Variants in ZHX2 observed in about 807,000 individuals in gnomAD.
ZHX2 encodes zinc fingers and homeoboxes protein 2.
A neutral mutation model predicts 21.9 loss-of-function variants in ZHX2; 6 were observed. That is an observed-to-expected ratio of 0.27 (90% CI 0.15 to 0.54). The LOEUF is 0.54. Ranked by LOEUF, ZHX2 falls within the 20% of genes least tolerant of loss-of-function variation. The pLI is 0.95. For synonymous variants in ZHX2, 434 were observed against 437.1 expected (o/e 0.99, Z 0.09); for missense variants, 908 against 1,090.7 (o/e 0.83, Z 2.36).
At chr8:122,852,069 G>A (rs1398450625) in intron 1 of ZHX2, among the ~76,000 whole-genome samples, 5 of 152,098 alleles carry the variant, frequency 3.3e-5, no homozygotes, top group Admixed American at 2.6e-4. Context: ...ACTTGAGGTG[G>A]TAAGAAAGGT....
chr8:122,918,018 A>G (rs148485528), intron 2 of ZHX2, among the ~76,000 whole-genome samples: 69 of 152,298 alleles, frequency 4.5e-4, no homozygotes, highest in African/African-American at 1.5e-3. Flanking sequence ...CATAGCCCTC[A>G]AGACTCTGCT....
chr8:122,820,203 C>A (rs1262455539), intron 1 of ZHX2, among the ~76,000 whole-genome samples: 2 of 152,248 alleles, frequency 1.3e-5, no homozygotes, highest in Non-Finnish European at 2.9e-5. Flanking sequence ...CCCAGGGTCC[C>A]TGACTCTTGT....
At chr8:122,882,706 G>A (rs1819741706) in intron 2 of ZHX2, among the ~76,000 whole-genome samples, 1 of 152,174 alleles carries the variant, frequency 6.6e-6, no homozygotes. Context: ...AAGAGGCTGG[G>A]CACAGTGGCT....
intron 2 of ZHX2, among the ~76,000 whole-genome samples, chr8:122,935,058 G>GT (rs1158649699): frequency 6.6e-6 from 1 of 151,812 alleles, no homozygotes; most frequent in African/African-American, 2.4e-5. Context: ...GTGCTATATA[G>GT]TTTTTTTTAT....
chr8:122,814,217 C>T (rs1817984852), intron 1 of ZHX2, among the ~76,000 whole-genome samples: 1 of 152,142 alleles, frequency 6.6e-6, no homozygotes, highest in African/African-American at 2.4e-5. Flanking sequence ...TACTTAGACT[C>T]AAAAAATATT....
intron 2 of ZHX2, among the ~76,000 whole-genome samples, chr8:122,875,395 G>C (rs1241115965): frequency 6.6e-6 from 1 of 151,948 alleles, no homozygotes. Flanking sequence ...GATATTTACT[G>C]TCTGGCCCTT....
At position 122,823,409 on chromosome 8, in the gene ZHX2, C is replaced by T. The variant is rs76146072; in HGVS notation, c.-282-40068C>T. Reference sequence around the variant, plus strand: ...ATCTTCATGAACCCTGCAGAATCAGCGTGAATCCAGGGCAGCTGGGGAGAG... The same window carrying T: ...ATCTTCATGAACCCTGCAGAATCAGTGTGAATCCAGGGCAGCTGGGGAGAG... On this transcript the variant is annotated intron_variant, in intron 1 of 3. Coordinates refer to ENST00000314393, the MANE Select transcript of ZHX2 (RefSeq NM_014943.5). 4.9e-4 allele frequency among the ~76,000 whole-genome samples: 74 copies of T among 152,318 alleles called. 1 individual carries two copies. Among genetic ancestry groups the T allele is most frequent in the African/African-American group, 1.7e-3 (69 of 41,572 alleles).
chr8:122,878,504 C>A (rs1819621540), intron 2 of ZHX2, among the ~76,000 whole-genome samples: 2 of 152,146 alleles, frequency 1.3e-5, no homozygotes, highest in African/African-American at 4.8e-5. Flanking sequence ...AAGCTTCGCA[C>A]ATCATTCATC....
At chr8:122,964,150 G>A (rs1402999250) in intron 3 of ZHX2, among the ~76,000 whole-genome samples, 1 of 152,236 alleles carries the variant, frequency 6.6e-6, no homozygotes, top group South Asian at 2.1e-4. Flanking sequence ...TCTCTTGTCT[G>A]ATTGCTCTGG....
chr8:122,965,031 C>CTTTTTTT (rs140185712), intron 3 of ZHX2, among the ~76,000 whole-genome samples: 6 of 111,518 alleles, frequency 5.4e-5, no homozygotes, highest in Admixed American at 8.8e-5. Flanking sequence ...CTTCTCTCTT[C>CTTTTTTT]TGTTTTTTTT....
chr8:122,825,408 G>A (rs914922234), intron 1 of ZHX2, among the ~76,000 whole-genome samples: 15 of 152,150 alleles, frequency 9.9e-5, no homozygotes, highest in African/African-American at 3.4e-4. Context: ...TACTTGGTAA[G>A]CATGTGGGTT....
intron 2 of ZHX2, among the ~76,000 whole-genome samples, chr8:122,926,364 T>C (rs562419691): frequency 6.6e-6 from 1 of 152,288 alleles, no homozygotes; most frequent in South Asian, 2.1e-4. Flanking sequence ...ATTTGTGTGG[T>C]TCCTTAATTA....
At chr8:122,797,501 C>A (rs965034942) in intron 1 of ZHX2, among the ~76,000 whole-genome samples, 1 of 152,178 alleles carries the variant, frequency 6.6e-6, no homozygotes, top group Admixed American at 6.5e-5. Flanking sequence ...AGCATTGTGC[C>A]TTTTCTCTTC....
At chr8:122,847,924 G>C (rs981508617) in intron 1 of ZHX2, among the ~76,000 whole-genome samples, 8 of 152,132 alleles carry the variant, frequency 5.3e-5, no homozygotes, top group Non-Finnish European at 1.2e-4. Context: ...GTAATGAACC[G>C]AGCTTTACTC....
intron 2 of ZHX2, among the ~76,000 whole-genome samples, chr8:122,917,074 C>T (rs946228792): frequency 3.3e-5 from 5 of 152,162 alleles, no homozygotes; most frequent in African/African-American, 7.2e-5. Flanking sequence ...TGTCATCCAG[C>T]GCATTCATCC....
intron 2 of ZHX2, among the ~76,000 whole-genome samples, chr8:122,896,113 G>A (rs1176300292): frequency 6.6e-6 from 1 of 152,046 alleles, no homozygotes; most frequent in Non-Finnish European, 1.5e-5. Context: ...AGAGGTGGAG[G>A]ACTAAAAGAG....
In ZHX2 at chr8:122,951,808, C is replaced by T; in HGVS notation, c.298C>T (p.Gln100Ter). The T allele has an allele frequency of 6.2e-7, 1 of 1,614,158 alleles. No individual in the cohort carries two copies. Among genetic ancestry groups the T allele is most frequent in the Non-Finnish European group, 8.5e-7 (1 of 1,180,044 alleles). Residue 100 changes from glutamine to a stop codon, truncating the protein, a stop_gained, in exon 3 of 4, where the codon CAG becomes TAG. Transcript: ENST00000314393. LOFTEE classifies it high-confidence loss of function. Reference protein sequence around the residue: ...LNEFTEHVDMQHPNVILNPLY... With the variant: ...LNEFTEHVDM Reference sequence around the variant, plus strand: ...CGAGTTCACGGAGCATGTCGACATGCAGCATCCCAACGTGATTCTCAACCC... The same window carrying T: ...CGAGTTCACGGAGCATGTCGACATGTAGCATCCCAACGTGATTCTCAACCC...
rs1813121885 is a variant in ZHX2, at chr8:122,951,830, A to G, written c.320A>G (p.Asn107Ser). The change falls in exon 3 of 4, where the codon AAC (asparagine) becomes AGC (serine). Residue 107 changes from asparagine to serine, a missense_variant. By Grantham distance (46) the Asn-to-Ser change is conservative (BLOSUM62 1). Transcript: ENST00000314393. ...ATGCAGCATCCCAACGTGATTCTCAACCCCCTCTACGTGTGTGCAGAATGT... is the reference window on the plus strand; with the variant it reads ...ATGCAGCATCCCAACGTGATTCTCAGCCCCCTCTACGTGTGTGCAGAATGT... Reference protein sequence around the residue: ...VDMQHPNVILNPLYVCAECNF... With the variant: ...VDMQHPNVILSPLYVCAECNF... The G allele has an allele frequency of 1.2e-6, 2 of 1,613,998 alleles. No homozygotes were observed. Among genetic ancestry groups the G allele is most frequent in the Non-Finnish European group, 1.7e-6 (2 of 1,179,998 alleles).
At chr8:122,793,469 G>T (rs1817559747) in intron 1 of ZHX2, among the ~76,000 whole-genome samples, 1 of 152,224 alleles carries the variant, frequency 6.6e-6, no homozygotes, top group Non-Finnish European at 1.5e-5. Context: ...CAAAGCCAGA[G>T]TGCATTGCCG....
Sources: allele counts gnomAD v4.1 joint callset (sites outside exome capture counted in the v4.1 genomes callset), GRCh38; gene constraint gnomAD v4.1.1; transcripts MANE v1.5; gene names NCBI Gene and HGNC (gene_info 2026-07-23, HGNC 2026-07-21).